SRP14: variants seen among roughly 807,000 people sequenced by gnomAD.
SRP14 encodes the protein signal recognition particle 14.
Under a neutral mutation model 16.0 loss-of-function variants are expected in SRP14, and 1 was observed. The observed-to-expected ratio is 0.06, with a 90% CI of 0.02 to 0.30. The LOEUF is 0.30. SRP14 is among the 10% of genes least tolerant of loss of function. The pLI is 1.00. For missense variants in SRP14, 120 were observed against 163.1 expected, an observed-to-expected ratio of 0.74 and a Z score of 1.44; for synonymous variants, 67 against 60.1, an observed-to-expected ratio of 1.12 and a Z score of -0.53.
At chr15:40,037,292 A>AAAAAAAAAAAAAAAAAAAC in intron 3 of SRP14, 1 of 1,359,522 alleles carries the variant, frequency 7.4e-7, no homozygotes, top group Middle Eastern at 2.0e-4. Context: ...AAAAAAAAAA[A>AAAAAAAAAAAAAAAAAAAC]AAGCTTTGTT....
In SRP14 at chr15:40,036,380, TTGC is replaced by T. The variant is rs1567013978; in HGVS notation, c.361_363del (p.Ala121del). On this transcript the variant is annotated inframe_deletion, in exon 5 of 5. Transcript: ENST00000267884. ...GTTGTTGCTGCTGTTGTTGGTGCTG[TTGC>T]TGCTGCGGCAGGTGCTGCTGCTGCT... The T allele has an allele frequency of 1.9e-6, 3 of 1,611,998 alleles. No individual in the cohort carries two copies. Among genetic ancestry groups the T allele is most frequent in the Non-Finnish European group, 2.5e-6 (3 of 1,179,362 alleles).
chr15:40,036,246 T>C lies in SRP14; in HGVS notation c.*87A>G, dbSNP rs1059613. 1.3e-5 allele frequency: 21 copies of C among 1,581,766 alleles called. No individual in the cohort carries two copies. Among genetic ancestry groups the C allele is most frequent in the South Asian group, 3.5e-5 (3 of 85,886 alleles). On this transcript the variant is annotated 3_prime_UTR_variant, in exon 5 of 5. Coordinates refer to ENST00000267884, the MANE Select transcript of SRP14 (RefSeq NM_003134.6). Reference sequence around the variant, plus strand: ...TAATCTTATGTGAAAACACCTACTGTGGGGGAACCAGAAACCTAGCTATCT... The same window carrying C: ...TAATCTTATGTGAAAACACCTACTGCGGGGGAACCAGAAACCTAGCTATCT...
chr15:40,039,110 A>G lies in SRP14; in HGVS notation c.7T>C (p.Leu3=), dbSNP rs776220548. The change falls in exon 1 of 5, where the codon TTG becomes CTG. Residue 3 remains leucine, a synonymous_variant. Transcript: ENST00000267884. MV[L]LESEQFLTEL... ...AGCCATACCTGCTCGCTCTCCAACA[A>G]CACCATCGCGGCGACGCTGGCTCGA... The G allele has an allele frequency of 1.2e-6, 2 of 1,612,348 alleles. No homozygotes were observed. The highest frequency in any genetic ancestry group is 1.1e-5 in the South Asian group (1 of 90,784).
At chr15:40,038,827 G>T in intron 2 of SRP14, 49 bp downstream of exon 2, 1 of 1,600,330 alleles carries the variant, frequency 6.2e-7, no homozygotes, top group South Asian at 1.1e-5. Flanking sequence ...GTGGCTCCCA[G>T]ACACCGGGAA....
rs1287734640 is a variant in SRP14, at chr15:40,039,151, C to G, written c.-35G>C. 6.2e-7 allele frequency: 1 copy of G among 1,602,330 alleles called. No homozygotes were observed. The highest frequency in any genetic ancestry group is 8.5e-7 in the Non-Finnish European group (1 of 1,176,196). On this transcript the variant is annotated 5_prime_UTR_variant, in exon 1 of 5. Transcript: ENST00000267884. ...GCTGGCTCGACTCCCTCCGCTTAAG[C>G]CCCTAGCAGTGAGAGCCGGAAGTTC...
intron 2 of SRP14, 67 bp downstream of exon 2, chr15:40,038,809 A>G (rs1270516466): frequency 2.9e-5 from 45 of 1,559,450 alleles, no homozygotes; most frequent in Non-Finnish European, 3.8e-5. Context: ...CGCGGCAGAC[A>G]GACTCCGGTG....
chr15:40,038,468 G>A (rs1340604636), intron 2 of SRP14, 74 bp from the exon 3 acceptor site: 2 of 1,043,656 alleles, frequency 1.9e-6, no homozygotes, highest in East Asian at 2.4e-5. Flanking sequence ...TTAAAACAGA[G>A]GAGTGGGGTA....
intron 3 of SRP14, chr15:40,037,356 C>A (rs1183947382): frequency 7.8e-7 from 1 of 1,285,058 alleles, no homozygotes; most frequent in Admixed American, 3.0e-5. Flanking sequence ...TCCCTGGGTT[C>A]TGAGAAAAGT....
intron 4 of SRP14, 74 bp downstream of exon 4, chr15:40,036,912 A>C (rs565030650): frequency 6.6e-7 from 1 of 1,521,920 alleles, no homozygotes; most frequent in South Asian, 1.1e-5. Context: ...CCCAAGTATC[A>C]ATCTTACCCA....
chr15:40,039,185 C>G, upstream of SRP14: 1 of 1,551,874 alleles, frequency 6.4e-7, no homozygotes, highest in African/African-American at 1.4e-5. Context: ...TCGGCCTAGG[C>G]TGGGCGGGAC....
At position 40,037,469 on chromosome 15, in the gene SRP14, A is replaced by G. The variant is rs986676234; in HGVS notation, c.211-451T>C. ...AAACCTGCCTTCCATTAATTCAAGC[A>G]TATTTAAGCACAATGCGAGCTACCA... On this transcript the variant is annotated intron_variant, in intron 3 of 4. Coordinates refer to ENST00000267884, the MANE Select transcript of SRP14 (RefSeq NM_003134.6). 3 of 665,790 alleles carry G rather than the reference A, an allele frequency of 4.5e-6. No individual in the cohort carries two copies. The South Asian group carries it at 6.9e-5, about 15-fold the overall frequency. 41.2% of individuals were successfully genotyped at this position (665,790 alleles called of 1,614,324 possible).
In SRP14 at chr15:40,038,279, C is replaced by T; in HGVS notation, c.210+3G>A. 6.2e-7 allele frequency: 1 copy of T among 1,606,582 alleles called. No homozygotes were observed. Among genetic ancestry groups the T allele is most frequent in the South Asian group, 1.1e-5 (1 of 90,922 alleles). Reference sequence around the variant, plus strand: ...AAAAGACAGCCTTAGAAATTAAGCTCACCACAGTGCTGATCTTCTTCTTCC... The same window carrying T: ...AAAAGACAGCCTTAGAAATTAAGCTTACCACAGTGCTGATCTTCTTCTTCC... On this transcript the variant is annotated splice_donor_region_variant and intron_variant, in intron 3 of 4. Transcript: ENST00000267884.
rs991629818 is a variant in SRP14, at chr15:40,038,338, C to A, written c.154G>T (p.Ala52Ser). 2 of 1,613,972 alleles carry A rather than the reference C, an allele frequency of 1.2e-6. No homozygotes were observed. The highest frequency in any genetic ancestry group is 1.7e-6 in the Non-Finnish European group (2 of 1,179,986). The change falls in exon 3 of 5, where the codon GCA (alanine) becomes TCA (serine). Residue 52 changes from alanine to serine, a missense_variant. Transcript: ENST00000267884. Reference protein sequence around the residue: ...KKGTVEGFEPADNKCLLRATD... With the variant: ...KKGTVEGFEPSDNKCLLRATD... ...GCTCTTAACAGACACTTGTTGTCTG[C>A]GGGCTCAAAGCCCTCCACAGTACCC...
At chr15:40,037,066 T>C in intron 3 of SRP14, 48 bp from the exon 4 acceptor site, 1 of 1,593,532 alleles carries the variant, frequency 6.3e-7, no homozygotes, top group East Asian at 2.2e-5. Context: ...CATATAAGCA[T>C]CCTCTTCTCC....
intron 3 of SRP14, chr15:40,037,294 A>AAAAAAAAAAAAAAAAG: frequency 5.9e-6 from 8 of 1,352,516 alleles, no homozygotes; most frequent in East Asian, 3.5e-5. Context: ...AAAAAAAAAA[A>AAAAAAAAAAAAAAAAG]GCTTTGTTTC....
intron 3 of SRP14, chr15:40,037,294 A>AAAAAAAAAAAAAAAAAAAC: frequency 2.2e-6 from 3 of 1,352,532 alleles, no homozygotes; most frequent in Non-Finnish European, 2.9e-6. Context: ...AAAAAAAAAA[A>AAAAAAAAAAAAAAAAAAAC]GCTTTGTTTC....
In SRP14 at chr15:40,035,996, C is replaced by A; in HGVS notation, c.*337G>T. 1 of 281,920 alleles carries A rather than the reference C, an allele frequency of 3.5e-6. No individual in the cohort carries two copies. Among genetic ancestry groups the A allele is most frequent in the African/African-American group, 2.2e-5 (1 of 45,960 alleles). The allele number at this position is 281,920 out of a possible 1,614,324, so 17.5% of individuals were successfully genotyped here. Reference sequence around the variant, plus strand: ...ATCATTCTAGATTTAGTAGTTATTGCCAGAACTATTAAAATGGGTTGGGAA... The same window carrying A: ...ATCATTCTAGATTTAGTAGTTATTGACAGAACTATTAAAATGGGTTGGGAA... On this transcript the variant is annotated 3_prime_UTR_variant, in exon 5 of 5. Coordinates refer to ENST00000267884, the MANE Select transcript of SRP14 (RefSeq NM_003134.6).
intron 3 of SRP14, 81 bp from the exon 4 acceptor site, chr15:40,037,099 C>G (rs2035636763): frequency 1.3e-6 from 2 of 1,486,444 alleles, no homozygotes; most frequent in African/African-American, 1.4e-5. Flanking sequence ...ATCTCAAAAG[C>G]CTCCGGAAGA....
upstream of SRP14, chr15:40,039,185 C>T (rs142384915): frequency 6.4e-6 from 10 of 1,551,874 alleles, no homozygotes; most frequent in East Asian, 2.1e-4. Context: ...TCGGCCTAGG[C>T]TGGGCGGGAC....
Sources: gnomAD v4.1 joint callset for allele counts on GRCh38, gnomAD v4.1.1 for gene constraint, MANE v1.5 for transcripts, NCBI Gene and HGNC (gene_info 2026-07-23, HGNC 2026-07-21) for gene names.